MS4A3: variants seen among roughly 807,000 people sequenced by gnomAD.
MS4A3 encodes the protein membrane-spanning 4-domains subfamily A member 3.
A neutral mutation model predicts 24.7 loss-of-function variants in MS4A3; 18 were observed. That is an observed-to-expected ratio of 0.73 (90% CI 0.50 to 1.08). MS4A3 has a LOEUF of 1.08. Among genes scored for constraint, MS4A3 ranks in the 50% least tolerant of loss-of-function variants. The pLI is 0.00. For missense variants in MS4A3, 282 were observed against 251.7 expected (o/e 1.12, Z -0.82); for synonymous variants, 84 against 95.3 (o/e 0.88, Z 0.69).
Position 60,062,489 on chromosome 11 carries a change from G to C in MS4A3, c.178G>C (p.Ala60Pro), listed in dbSNP as rs1855292467. ...TCAGGCCATCCAGATCCTGAATGCA[G>C]CAATGATTCTGGCTTTGGGTGTCTT... Reference protein sequence around the residue: ...VLGAIQILNAAMILALGVFLG... With the variant: ...VLGAIQILNAPMILALGVFLG... The change falls in exon 3 of 7, where the codon GCA becomes CCA. Residue 60 changes from alanine to proline, a missense_variant. Physicochemically the swap from Ala to Pro is conservative, Grantham distance 27. Transcript: ENST00000278865. The C allele has an allele frequency of 3.1e-6, 5 of 1,614,052 alleles. No homozygotes were observed. In the African/African-American group the frequency reaches 6.7e-5, roughly 22 times the overall value.
rs1377400053 is a variant in MS4A3 at position 60,070,326 on chromosome 11, G to A, written c.*93G>A. On this transcript the variant is annotated 3_prime_UTR_variant, in exon 7 of 7. Transcript: ENST00000278865. Reference sequence around the variant, plus strand: ...CACCCACAAACTCAGGAGAACATAAGCCTGCTCGTAAAGCTCAATCCTTCT... The same window carrying A: ...CACCCACAAACTCAGGAGAACATAAACCTGCTCGTAAAGCTCAATCCTTCT... 2.9e-6 allele frequency: 3 copies of A among 1,040,768 alleles called. No homozygotes were observed. The highest frequency in any genetic ancestry group is 1.6e-5 in the African/African-American group (1 of 62,332). 64.5% of individuals were successfully genotyped at this position (1,040,768 alleles called of 1,614,324 possible).
intron 6 of MS4A3, 116 bp from the exon 7 acceptor site, chr11:60,070,088 A>G (rs1855450998): frequency 1.2e-6 from 1 of 858,132 alleles, no homozygotes; most frequent in Non-Finnish European, 1.9e-6. Context: ...CATTTGGCAC[A>G]GTAAACATCA....
Position 60,070,322 on chromosome 11 carries a change from A to G in MS4A3, c.*89A>G, listed in dbSNP as rs1855454893. ...GCTTCACCCACAAACTCAGGAGAAC[A>G]TAAGCCTGCTCGTAAAGCTCAATCC... On this transcript the variant is annotated 3_prime_UTR_variant, in exon 7 of 7. Coordinates refer to ENST00000278865, the MANE Select transcript of MS4A3 (RefSeq NM_006138.5). The G allele has an allele frequency of 9.3e-7, 1 of 1,076,874 alleles. No homozygotes were observed. Among genetic ancestry groups the G allele is most frequent in the Admixed American group, 1.9e-5 (1 of 51,728 alleles). The allele number at this position is 1,076,874 out of a possible 1,614,324, so 66.7% of individuals were successfully genotyped here.
intron 1 of MS4A3, 105 bp from the exon 2 acceptor site, chr11:60,061,041 A>G (rs1855263729): frequency 3.1e-6 from 3 of 968,942 alleles, no homozygotes; most frequent in Non-Finnish European, 4.5e-6. Flanking sequence ...GTGGAGAGTC[A>G]TTGTAATGTA....
intron 6 of MS4A3, 120 bp from the exon 7 acceptor site, chr11:60,070,084 G>T (rs770205949): frequency 3.2e-5 from 26 of 817,050 alleles, no homozygotes; most frequent in Middle Eastern, 3.4e-4. Context: ...ATGGCATTTG[G>T]CACAGTAAAC....
At chr11:60,060,413 A>G (rs1483074044) in intron 1 of MS4A3, among the ~76,000 whole-genome samples, 1 of 152,176 alleles carries the variant, frequency 6.6e-6, no homozygotes, top group African/African-American at 2.4e-5. Flanking sequence ...TTACTAGGTC[A>G]TGCAACTAGT....
At chr11:60,065,123 C>T (rs1045547470) in intron 4 of MS4A3, among the ~76,000 whole-genome samples, 7 of 152,076 alleles carry the variant, frequency 4.6e-5, no homozygotes, top group African/African-American at 1.4e-4. Context: ...ACTACAGCCT[C>T]CACCTTCCAG....
intron 5 of MS4A3, among the ~76,000 whole-genome samples, 187 bp downstream of exon 5, chr11:60,067,299 G>A (rs914287753): frequency 3.5e-5 from 5 of 144,588 alleles, no homozygotes; most frequent in African/African-American, 1.0e-4. Context: ...TGCAAGCTCC[G>A]CCCTCCTGGG....
At position 60,061,260 on chromosome 11, in the gene MS4A3, T is replaced by C. The variant is rs1384148963; in HGVS notation, c.100T>C (p.Tyr34His). ...ACCAGAAGAGCTGAATACTTCTGTC[T>C]ACCAGCCCATAGATGGATCACCAGA... is the stretch of plus-strand genomic sequence containing the variant. ...AGPEELNTSV[Y>H]QPIDGSPDYQ... The change falls in exon 2 of 7, where the codon TAC becomes CAC. Residue 34 changes from tyrosine to histidine, a missense_variant. Transcript: ENST00000278865. 1 of 1,613,988 alleles carries C rather than the reference T, an allele frequency of 6.2e-7. No homozygotes were observed. The highest frequency in any genetic ancestry group is 8.5e-7 in the Non-Finnish European group (1 of 1,179,940).
chr11:60,069,777 G>C, intron 6 of MS4A3, 102 bp downstream of exon 6: 1 of 863,654 alleles, frequency 1.2e-6, no homozygotes, highest in East Asian at 2.4e-5. Context: ...ATGTGGTAAT[G>C]ATTTGTGGAG....
In MS4A3 at chr11:60,067,040, C is replaced by G. The variant is rs777496003; in HGVS notation, c.441C>G (p.Ile147Met). 1.6e-5 allele frequency: 26 copies of G among 1,613,224 alleles called. No homozygotes were observed. In the East Asian group the frequency reaches 5.8e-4, roughly 36 times the overall value. ...TCTCACTAAATATAGCAGTTAATAT[C>G]CAGTCATTAAGGAGTTGTCACTCTT... ...AFLSLNIAVN[I>M]QSLRSCHSSS... The change falls in exon 5 of 7, where the codon ATC becomes ATG. Residue 147 changes from isoleucine to methionine, a missense_variant. Transcript: ENST00000278865.
rs190684132 is a variant in MS4A3, at chr11:60,067,263, A to G, written c.513+151A>G. On this transcript the variant is annotated intron_variant, in intron 5 of 6. Coordinates refer to ENST00000278865, the MANE Select transcript of MS4A3 (RefSeq NM_006138.5). Reference sequence around the variant, plus strand: ...AGTCTCGCTCTGTCGCCCAGGCTGGAGTACAGTGGAGTGATCTCGGCTCAC... The same window carrying G: ...AGTCTCGCTCTGTCGCCCAGGCTGGGGTACAGTGGAGTGATCTCGGCTCAC... 1.2e-4 allele frequency: 78 copies of G among 631,288 alleles called. 1 individual carries two copies. The East Asian group carries it at 1.8e-3, about 15-fold the overall frequency. 39.1% of individuals were successfully genotyped at this position (631,288 alleles called of 1,614,324 possible).
intron 6 of MS4A3, 54 bp from the exon 7 acceptor site, chr11:60,070,150 G>A (rs1401803177): frequency 7.7e-6 from 11 of 1,422,610 alleles, no homozygotes; most frequent in Admixed American, 3.4e-5. Flanking sequence ...AGGGATGGGA[G>A]GAGAAGGAGA....
chr11:60,057,629 C>A (rs1206762488), intron 1 of MS4A3, among the ~76,000 whole-genome samples: 2 of 152,262 alleles, frequency 1.3e-5, no homozygotes, highest in East Asian at 3.9e-4. Flanking sequence ...TGATCTCAAT[C>A]TCCTGACCTT....
rs556422235 is a variant in MS4A3, at chr11:60,062,794, A to C, written c.294+189A>C. On this transcript the variant is annotated intron_variant, in intron 3 of 6. Transcript: ENST00000278865. ...ATTTTTTAATTTAATTAATTACTTA[A>C]TTAATTTATTTTTTGAGACAAAGTC... 65 of 377,034 alleles carry C rather than the reference A, an allele frequency of 1.7e-4. 2 individuals are homozygous for C. Among genetic ancestry groups the C allele is most frequent in the Non-Finnish European group, 2.7e-4 (61 of 229,252 alleles). The allele number at this position is 377,034 out of a possible 1,614,324, so 23.4% of individuals were successfully genotyped here. A position where few individuals can be genotyped will look rare whatever the true frequency, so the allele number is the denominator to read the frequency against.
rs2847671 is a variant in MS4A3, at chr11:60,058,042, T to C, written c.-16+1302T>C. On this transcript the variant is annotated intron_variant, in intron 1 of 6. Transcript: ENST00000278865. Reference sequence around the variant, plus strand: ...TAGGCACTGGAGTTGCAGTGATGAGTAGACAACGAGGTAACAGACAAGTAT... The same window carrying C: ...TAGGCACTGGAGTTGCAGTGATGAGCAGACAACGAGGTAACAGACAAGTAT... Among the ~76,000 whole-genome samples the C allele has an allele frequency of 7.3e-3, 1,104 of 152,100 alleles. 15 individuals carry two copies. Among genetic ancestry groups the C allele is most frequent in the African/African-American group, 0.026 (1,066 of 41,484 alleles).
intron 5 of MS4A3, 145 bp from the exon 6 acceptor site, chr11:60,069,429 T>G: frequency 1.6e-6 from 1 of 621,652 alleles, no homozygotes; most frequent in Non-Finnish European, 2.9e-6. Flanking sequence ...TTCTACAGTG[T>G]TATATGTGTC....
At chr11:60,059,519 A>AT (rs1364635610) in intron 1 of MS4A3, among the ~76,000 whole-genome samples, 1 of 151,752 alleles carries the variant, frequency 6.6e-6, no homozygotes, top group Non-Finnish European at 1.5e-5. Flanking sequence ...CTCAATAGTT[A>AT]TTTTTCCCGA....
Position 60,070,338 on chromosome 11 carries a change from A to G in MS4A3, c.*105A>G, listed in dbSNP as rs116077060. On this transcript the variant is annotated 3_prime_UTR_variant, in exon 7 of 7. Transcript: ENST00000278865. The stretch of plus-strand genomic sequence containing the variant: ...CAGGAGAACATAAGCCTGCTCGTAA[A>G]GCTCAATCCTTCTATCATGGCACCA... The G allele has an allele frequency of 4.8e-4, 424 of 890,664 alleles. 2 individuals carry two copies. The African/African-American group carries it at 6.2e-3, about 13-fold the overall frequency. The allele number at this position is 890,664 out of a possible 1,614,324, so 55.2% of individuals were successfully genotyped here.
Sources: allele counts gnomAD v4.1 joint callset (sites outside exome capture counted in the v4.1 genomes callset), GRCh38; gene constraint gnomAD v4.1.1; transcripts MANE v1.5; gene names NCBI Gene and HGNC (gene_info 2026-07-23, HGNC 2026-07-21).